Variants in MYO9A observed in about 807,000 individuals in gnomAD.
The protein encoded by MYO9A is myosin IXA.
Under a neutral mutation model 293.3 loss-of-function variants are expected in MYO9A, and 103 were observed. That is an observed-to-expected ratio of 0.35 (90% CI 0.30 to 0.41). MYO9A has a LOEUF of 0.41. Ranked by LOEUF, MYO9A falls within the 10% of genes least tolerant of loss-of-function variation. The probability of loss-of-function intolerance (pLI) is 1.00; values close to 1 mark genes in which losing one functional copy is unlikely to be tolerated. For synonymous variants in MYO9A, 1,001 were observed against 1,035.7 expected (o/e 0.97, Z 0.64); for missense variants, 2,685 against 3,033.0 (o/e 0.89, Z 2.69).
intron 32 of MYO9A, among the ~76,000 whole-genome samples, chr15:71,873,456 G>C (rs2056586248): frequency 6.6e-6 from 1 of 151,770 alleles, no homozygotes; most frequent in African/African-American, 2.4e-5. Context: ...TCTTAGGTAT[G>C]TTATTGCTGG....
chr15:72,024,932 AAC>A (rs2077617833), intron 4 of MYO9A, among the ~76,000 whole-genome samples: 1 of 152,194 alleles, frequency 6.6e-6, no homozygotes, highest in Non-Finnish European at 1.5e-5. Context: ...AAAAAATCGT[AAC>A]ACATATGGAG....
intron 1 of MYO9A, among the ~76,000 whole-genome samples, chr15:72,080,990 G>A (rs991074313): frequency 3.3e-5 from 5 of 152,030 alleles, no homozygotes; most frequent in East Asian, 1.9e-4. Flanking sequence ...TTGATTCCAC[G>A]TCCTTGTTAT....
In MYO9A at chr15:72,006,801, T is replaced by G. The variant is rs1480902818; in HGVS notation, c.1380+1025A>C. ...AGGGTGGAAGGAAAAGGTGCTGTTC[T>G]AAGTAATTTTGGAAATGAGTGAAGT... On this transcript the variant is annotated intron_variant, in intron 8 of 41. Coordinates refer to ENST00000356056, the MANE Select transcript of MYO9A (RefSeq NM_006901.4). Among the ~76,000 whole-genome samples the G allele has an allele frequency of 3.3e-5, 5 of 152,330 alleles. 1 individual carries two copies. Among genetic ancestry groups the G allele is most frequent in the Middle Eastern group, 3.4e-3 (1 of 294 alleles).
At chr15:71,926,082 C>G (rs906252799) in intron 18 of MYO9A, among the ~76,000 whole-genome samples, 5 of 152,112 alleles carry the variant, frequency 3.3e-5, no homozygotes, top group African/African-American at 1.2e-4. Flanking sequence ...GGTGCTTTAG[C>G]TTTGGTTCTA....
chr15:71,982,397 T>C (rs1258894596), intron 11 of MYO9A, among the ~76,000 whole-genome samples: 1 of 152,172 alleles, frequency 6.6e-6, no homozygotes, highest in Non-Finnish European at 1.5e-5. Context: ...ATAATTTTAT[T>C]ATGGTATTAA....
chr15:71,941,875 GAT>G (rs2146173799), intron 15 of MYO9A, among the ~76,000 whole-genome samples: 1 of 152,114 alleles, frequency 6.6e-6, no homozygotes, highest in East Asian at 1.9e-4. Flanking sequence ...CCAAAAATTT[GAT>G]AGTTTGTAAT....
chr15:72,067,895 A>G (rs2079068228), intron 1 of MYO9A, among the ~76,000 whole-genome samples: 1 of 152,190 alleles, frequency 6.6e-6, no homozygotes, highest in Non-Finnish European at 1.5e-5. Flanking sequence ...AAAAAAATTC[A>G]TATTGTTTTA....
intron 1 of MYO9A, among the ~76,000 whole-genome samples, chr15:72,052,131 C>G (rs1048589323): frequency 6.6e-6 from 1 of 151,580 alleles, no homozygotes; most frequent in Non-Finnish European, 1.5e-5. Context: ...TCCTCTCTGC[C>G]GGGAGTTGAG....
At chr15:71,897,243 T>G (rs549682314) in intron 25 of MYO9A, 8 of 537,752 alleles carry the variant, frequency 1.5e-5, no homozygotes, top group African/African-American at 1.3e-4. Context: ...AGGAACCCAG[T>G]ATTTACTCTG....
intron 18 of MYO9A, among the ~76,000 whole-genome samples, chr15:71,929,567 T>C (rs968403743): frequency 1.3e-5 from 2 of 152,256 alleles, no homozygotes; most frequent in African/African-American, 2.4e-5. Flanking sequence ...CTATTCACTG[T>C]GTTAATATGA....
chr15:72,007,966 A>G lies in MYO9A; in HGVS notation c.1254-14T>C. The G allele has an allele frequency of 6.2e-7, 1 of 1,606,010 alleles. No homozygotes were observed. Among genetic ancestry groups the G allele is most frequent in the Non-Finnish European group, 8.5e-7 (1 of 1,177,722 alleles). ...AGAGAGAAAATCCTGGGAAAATAAA[A>G]CACAAATTATAGCTTAGTTGTGTCC... On this transcript the variant is annotated splice_polypyrimidine_tract_variant and intron_variant, in intron 7 of 41. Coordinates refer to ENST00000356056, the MANE Select transcript of MYO9A (RefSeq NM_006901.4).
chr15:71,834,877 TAGAAA>T (rs1276592438), intron 39 of MYO9A, among the ~76,000 whole-genome samples: 2 of 152,074 alleles, frequency 1.3e-5, no homozygotes, highest in Non-Finnish European at 2.9e-5. Context: ...TCAAGTAATA[TAGAAA>T]ATGTAATATA....
At chr15:72,094,397 C>A (rs1304153401) in intron 1 of MYO9A, among the ~76,000 whole-genome samples, 1 of 90,348 alleles carries the variant, frequency 1.1e-5, no homozygotes, top group Admixed American at 1.2e-4. Context: ...TTGTGGCAAC[C>A]CTGTGTCAAG....
chr15:71,997,584 G>A (rs1320206861), intron 9 of MYO9A, among the ~76,000 whole-genome samples: 1 of 151,918 alleles, frequency 6.6e-6, no homozygotes, highest in Non-Finnish European at 1.5e-5. Context: ...AGGTAAGAGT[G>A]CGAGACTCGT....
At chr15:71,848,619 C>T (rs1367424213) in intron 39 of MYO9A, among the ~76,000 whole-genome samples, 1 of 152,120 alleles carries the variant, frequency 6.6e-6, no homozygotes, top group African/African-American at 2.4e-5. Context: ...TATCTAAATA[C>T]TTGATTTGAA....
At chr15:71,842,290 T>C (rs1223537219) in intron 39 of MYO9A, among the ~76,000 whole-genome samples, 2 of 151,956 alleles carry the variant, frequency 1.3e-5, no homozygotes, top group African/African-American at 4.8e-5. Context: ...GGCATGAGAA[T>C]CGCTTGAACC....
At chr15:71,954,047 C>T (rs2146678720) in intron 14 of MYO9A, among the ~76,000 whole-genome samples, 1 of 152,126 alleles carries the variant, frequency 6.6e-6, no homozygotes, top group Admixed American at 6.5e-5. Context: ...AGGCACGCAC[C>T]ACCATGCCCA....
chr15:71,923,912 A>C (rs1308530713), intron 18 of MYO9A, among the ~76,000 whole-genome samples: 1 of 151,920 alleles, frequency 6.6e-6, no homozygotes, highest in Non-Finnish European at 1.5e-5. Context: ...CATTTTTCCT[A>C]GTTCCTTGAG....
chr15:71,949,416 T>G (rs1270531584), intron 15 of MYO9A, among the ~76,000 whole-genome samples: 2 of 151,002 alleles, frequency 1.3e-5, no homozygotes, highest in African/African-American at 4.9e-5. Context: ...GCTGGGTGTT[T>G]TTTTGTTTTT....
Sources: allele counts gnomAD v4.1 joint callset (sites outside exome capture counted in the v4.1 genomes callset), GRCh38; gene constraint gnomAD v4.1.1; transcripts MANE v1.5; gene names NCBI Gene and HGNC (gene_info 2026-07-23, HGNC 2026-07-21).